CXADR: variants seen among roughly 807,000 people sequenced by gnomAD.
The protein encoded by CXADR is coxsackievirus and adenovirus receptor.
In CXADR, 20 loss-of-function variants were observed where a neutral mutation model predicts 40.3. The observed-to-expected ratio is 0.50, with a 90% CI of 0.35 to 0.72. The LOEUF (loss-of-function observed/expected upper bound fraction) is 0.72, where lower values mean the gene tolerates loss of function less well. Ranked by LOEUF, CXADR falls within the 30% of genes least tolerant of loss-of-function variation. CXADR has a pLI of 0.01. For synonymous variants in CXADR, 150 were observed against 161.3 expected (o/e 0.93, Z 0.53); for missense variants, 332 against 449.1 (o/e 0.74, Z 2.36).
intron 1 of CXADR, among the ~76,000 whole-genome samples, chr21:17,516,027 A>G (rs1283964116): frequency 3.9e-5 from 6 of 152,212 alleles, no homozygotes. Flanking sequence ...TCATACTACT[A>G]GTAATCAGTA....
chr21:17,573,916 ATTC>A (rs10558571), downstream of CXADR, among the ~76,000 whole-genome samples: 21,823 of 152,228 alleles, frequency 0.14, 1,644 homozygotes, highest in East Asian at 0.21. Flanking sequence ...AAAGAAAAAA[ATTC>A]ATAATCTGAA....
At chr21:17,545,765 C>T (rs528627476) in intron 1 of CXADR, among the ~76,000 whole-genome samples, 10 of 131,636 alleles carry the variant, frequency 7.6e-5, no homozygotes, top group Non-Finnish European at 1.1e-4. Context: ...TATGAGTCAA[C>T]TATTTGGTTT....
At chr21:17,591,146 A>C (rs1265187149) in intron 7 of CXADR, among the ~76,000 whole-genome samples, 1 of 152,040 alleles carries the variant, frequency 6.6e-6, no homozygotes, top group African/African-American at 2.4e-5. Context: ...ATCTGATGGC[A>C]AGGTACCATG....
At chr21:17,633,048 C>T in the CXADR span, 1 of 152,040 alleles carries the variant, frequency 6.6e-6, no homozygotes, top group African/African-American at 2.4e-5. Flanking sequence ...TAGTGTGGCT[C>T]TATAGCATGT....
chr21:17,617,083 A>G, the CXADR span, among the ~76,000 whole-genome samples: 3 of 152,210 alleles, frequency 2.0e-5, no homozygotes, highest in African/African-American at 7.2e-5. Context: ...CCCTACCTCA[A>G]AGAGGCCTCA....
chr21:17,571,383 C>G (rs1356200710), downstream of CXADR, among the ~76,000 whole-genome samples: 1 of 152,118 alleles, frequency 6.6e-6, no homozygotes, highest in Non-Finnish European at 1.5e-5. Flanking sequence ...TTCAAGGAAT[C>G]GAGATTACAG....
At chr21:17,635,208 C>A in the CXADR span, among the ~76,000 whole-genome samples, 17 of 152,266 alleles carry the variant, frequency 1.1e-4, no homozygotes, top group South Asian at 3.1e-3. Flanking sequence ...TGCCCAAAGT[C>A]AATTGTCTGG....
Position 17,593,273 on chromosome 21 carries a change from A to T in CXADR, c.*80A>T, listed in dbSNP as rs187239451. 447 of 1,235,334 alleles carry T rather than the reference A, an allele frequency of 3.6e-4. 2 individuals are homozygous for T. In the African/African-American group the frequency reaches 4.4e-3, roughly 12 times the overall value. The allele number at this position is 1,235,334 out of a possible 1,614,324, so 76.5% of individuals were successfully genotyped here. A position where few individuals can be genotyped will look rare whatever the true frequency, so the allele number is the denominator to read the frequency against. ...TCTAGTAAAGACTTAAATGTTTTTTAAAAAAAGCACAAGGCACAGAGATTA... is the reference window on the plus strand; with the variant it reads ...TCTAGTAAAGACTTAAATGTTTTTTTAAAAAAGCACAAGGCACAGAGATTA... On this transcript the variant is annotated 3_prime_UTR_variant, in exon 8 of 8. Transcript: ENST00000400169.
At chr21:17,573,134 A>G (rs935481653), downstream of CXADR, among the ~76,000 whole-genome samples, 3 of 151,968 alleles carry the variant, frequency 2.0e-5, no homozygotes, top group Admixed American at 2.0e-4. Flanking sequence ...CTTGTAGGTG[A>G]CCATTTTCTC....
chr21:17,586,394 A>G, intron 7 of CXADR, among the ~76,000 whole-genome samples: 1 of 132,374 alleles, frequency 7.6e-6, no homozygotes, highest in East Asian at 2.5e-4. Context: ...ATATATATAT[A>G]TAATGTGTAT....
At chr21:17,629,571 A>G in the CXADR span, among the ~76,000 whole-genome samples, 2 of 151,886 alleles carry the variant, frequency 1.3e-5, no homozygotes, top group Non-Finnish European at 1.5e-5. Context: ...CTCAAACAAA[A>G]CAAAACAAAA....
At chr21:17,525,657 A>G (rs1275471767) in intron 1 of CXADR, among the ~76,000 whole-genome samples, 4 of 152,194 alleles carry the variant, frequency 2.6e-5, no homozygotes, top group Non-Finnish European at 4.4e-5. Flanking sequence ...CTCTTAACTT[A>G]CTCAGTTGTA....
intron 2 of CXADR, among the ~76,000 whole-genome samples, chr21:17,548,661 TC>T (rs962341582): frequency 8.5e-5 from 13 of 152,222 alleles, no homozygotes; most frequent in Non-Finnish European, 1.3e-4. Context: ...GCGTGGGTCT[TC>T]CGTGCTTCTG....
At chr21:17,550,366 A>AAG (rs10640233) in intron 2 of CXADR, among the ~76,000 whole-genome samples, 1 of 151,276 alleles carries the variant, frequency 6.6e-6, no homozygotes, top group Non-Finnish European at 1.5e-5. Context: ...AAAAAAAAAA[A>AAG]AGATCTTTGG....
At chr21:17,558,575 G>T (rs969902659) in intron 3 of CXADR, among the ~76,000 whole-genome samples, 1 of 152,142 alleles carries the variant, frequency 6.6e-6, no homozygotes, top group African/African-American at 2.4e-5. Context: ...ATGTGACTTG[G>T]TACATACTGC....
chr21:17,561,195 T>C, intron 5 of CXADR, 143 bp from the exon 6 acceptor site: 1 of 566,778 alleles, frequency 1.8e-6, no homozygotes, highest in Non-Finnish European at 2.9e-6. Flanking sequence ...TTTTTATGAA[T>C]TTTTCCCCCG....
At chr21:17,601,996 G>A in the CXADR span, among the ~76,000 whole-genome samples, 1 of 152,140 alleles carries the variant, frequency 6.6e-6, no homozygotes, top group Non-Finnish European at 1.5e-5. Flanking sequence ...ACATTACAAT[G>A]TGCAGTCGAT....
the CXADR span, among the ~76,000 whole-genome samples, chr21:17,609,472 T>G: frequency 6.6e-6 from 1 of 152,228 alleles, no homozygotes; most frequent in Non-Finnish European, 1.5e-5. Context: ...ACGACATAGA[T>G]GTTACTGTGT....
the CXADR span, among the ~76,000 whole-genome samples, chr21:17,631,935 C>A: frequency 6.6e-6 from 1 of 152,170 alleles, no homozygotes; most frequent in Non-Finnish European, 1.5e-5. Flanking sequence ...CCTCAGCCTC[C>A]TGAGCAGCTG....
Sources: allele counts gnomAD v4.1 joint callset (sites outside exome capture counted in the v4.1 genomes callset), GRCh38; gene constraint gnomAD v4.1.1; transcripts MANE v1.5; gene names NCBI Gene and HGNC (gene_info 2026-07-23, HGNC 2026-07-21).